The following MTUS1 variants were observed in gnomAD, a reference collection of about 807,000 sequenced individuals.
The protein encoded by MTUS1 is microtubule associated scaffold protein 1.
Under a neutral mutation model 120.8 loss-of-function variants are expected in MTUS1, and 109 were observed. The observed-to-expected ratio is 0.90, with a 90% confidence interval of 0.77 to 1.06. MTUS1 has a LOEUF of 1.06. Among genes scored for constraint, MTUS1 ranks in the 50% least tolerant of loss-of-function variants. The pLI is 0.00. For synonymous variants in MTUS1, 737 were observed against 550.5 expected, an observed-to-expected ratio of 1.34 and a Z score of -4.74; for missense variants, 2,210 against 1,486.3, an observed-to-expected ratio of 1.49 and a Z score of -8.01.
chr8:17,787,141 CCT>C, intron 1 of MTUS1, among the ~76,000 whole-genome samples: 1 of 152,280 alleles, frequency 6.6e-6, no homozygotes, highest in East Asian at 1.9e-4. Context: ...GCCACCGCTC[CCT>C]GACACCCTGT....
chr8:17,647,458 GAAA>G (rs112070816), intron 13 of MTUS1, among the ~76,000 whole-genome samples: 2 of 136,206 alleles, frequency 1.5e-5, no homozygotes, highest in African/African-American at 5.4e-5. Context: ...AATTTTGCTG[GAAA>G]AAAAAAAAAA....
intron 5 of MTUS1, among the ~76,000 whole-genome samples, chr8:17,714,449 T>A (rs1821923313): frequency 6.6e-6 from 1 of 152,192 alleles, no homozygotes. Context: ...TTCCTCCTTC[T>A]GGGATATCCA....
At chr8:17,767,750 G>A (rs1055069214) in intron 1 of MTUS1, among the ~76,000 whole-genome samples, 4 of 145,768 alleles carry the variant, frequency 2.7e-5, no homozygotes, top group Admixed American at 2.1e-4. Flanking sequence ...GCAGCAAGAT[G>A]CTCCAAGTTT....
At position 17,754,538 on chromosome 8, in the gene MTUS1, T is replaced by C. The variant is rs1354784452; in HGVS notation, c.1270A>G (p.Lys424Glu). 5 of 1,614,120 alleles carry C rather than the reference T, an allele frequency of 3.1e-6. No homozygotes were observed. The highest frequency in any genetic ancestry group is 1.3e-5 in the African/African-American group (1 of 74,940). ...DANDMVISTDKTMCMSTPVLE... is the reference protein window; with the variant it reads ...DANDMVISTDETMCMSTPVLE... ...ACTGGTGTTGACATGCACATCGTTTTGTCTGTGCTAATGACCATATCATTT... is the reference window on the plus strand; with the variant it reads ...ACTGGTGTTGACATGCACATCGTTTCGTCTGTGCTAATGACCATATCATTT... The change falls in exon 2 of 15, where the codon AAA becomes GAA. Residue 424 changes from lysine (K) to glutamate (E), a missense_variant. By Grantham distance (56) the Lys-to-Glu change is moderately conservative (BLOSUM62 1). Coordinates refer to ENST00000693296, the MANE Select transcript of MTUS1 (RefSeq NM_001363059.2).
intron 1 of MTUS1, among the ~76,000 whole-genome samples, chr8:17,787,228 G>T (rs1414067086): frequency 6.6e-6 from 1 of 152,162 alleles, no homozygotes; most frequent in Non-Finnish European, 1.5e-5. Context: ...CCTCCAGCAT[G>T]GGTAAAGATA....
intron 6 of MTUS1, among the ~76,000 whole-genome samples, chr8:17,699,864 T>C (rs1350612648): frequency 1.3e-5 from 2 of 152,220 alleles, no homozygotes; most frequent in Admixed American, 1.3e-4. Context: ...CTCATTTAAA[T>C]AACTGGATAA....
chr8:17,692,884 G>A (rs1360524573), intron 6 of MTUS1, among the ~76,000 whole-genome samples: 1 of 152,144 alleles, frequency 6.6e-6, no homozygotes, highest in Admixed American at 6.5e-5. Flanking sequence ...AAAAGTAAAT[G>A]GAAATATTTT....
chr8:17,760,784 AAGAC>A (rs1257356480), intron 1 of MTUS1, among the ~76,000 whole-genome samples: 9 of 148,600 alleles, frequency 6.1e-5, no homozygotes, highest in East Asian at 4.1e-4. Context: ...AAAAAATAAA[AAGAC>A]AGAGAGTGTG....
chr8:17,693,413 G>C (rs1164046288), intron 6 of MTUS1: 12 of 152,126 alleles, frequency 7.9e-5, no homozygotes. Context: ...CTTTGCCAGT[G>C]ATGGATACCA....
At chr8:17,786,203 C>T (rs2051291151) in intron 1 of MTUS1, among the ~76,000 whole-genome samples, 1 of 152,102 alleles carries the variant, frequency 6.6e-6, no homozygotes, top group Non-Finnish European at 1.5e-5. Flanking sequence ...TATTCTGACC[C>T]TTCTTGCAAT....
chr8:17,745,765 C>T (rs557429939), intron 2 of MTUS1, among the ~76,000 whole-genome samples: 13 of 152,326 alleles, frequency 8.5e-5, no homozygotes, highest in Non-Finnish European at 1.5e-4. Flanking sequence ...TTCCTTCTAC[C>T]TGTCCGGTTA....
At chr8:17,759,778 C>A (rs571647528) in intron 1 of MTUS1, among the ~76,000 whole-genome samples, 1 of 151,422 alleles carries the variant, frequency 6.6e-6, no homozygotes, top group South Asian at 2.1e-4. Flanking sequence ...GGTTGTGAAA[C>A]GCCACTAAAG....
intron 2 of MTUS1, among the ~76,000 whole-genome samples, chr8:17,745,232 A>G (rs925245075): frequency 1.3e-5 from 2 of 152,212 alleles, no homozygotes; most frequent in Non-Finnish European, 2.9e-5. Flanking sequence ...ATCAAAAATG[A>G]TTAGTTCCAG....
rs975176772 is a variant in MTUS1 at position 17,654,740 on chromosome 8, A to G, written c.3109-74T>C. ...TAAGTTGAATACGCAAAGCAACCAC[A>G]TTAGGAGACGTCACAGCTTCACAGG... On this transcript the variant is annotated intron_variant, in intron 9 of 14. Transcript: ENST00000693296. The G allele has an allele frequency of 5.9e-6, 6 of 1,014,136 alleles. No individual in the cohort carries two copies. The African/African-American group carries it at 9.5e-5, about 16-fold the overall frequency. 62.8% of individuals were successfully genotyped at this position (1,014,136 alleles called of 1,614,324 possible). A position where few individuals can be genotyped will look rare whatever the true frequency, so the allele number is the denominator to read the frequency against.
chr8:17,798,334 G>A (rs1489252907), intron 1 of MTUS1, among the ~76,000 whole-genome samples: 5 of 151,654 alleles, frequency 3.3e-5, no homozygotes, highest in East Asian at 3.9e-4. Flanking sequence ...TTAGAATTTG[G>A]GGAATTTTTT....
intron 4 of MTUS1, among the ~76,000 whole-genome samples, chr8:17,720,307 T>C (rs1483883620): frequency 6.6e-6 from 1 of 150,496 alleles, no homozygotes; most frequent in African/African-American, 2.5e-5. Flanking sequence ...ATCATGCCAC[T>C]GCACTCCAGC....
intron 1 of MTUS1, among the ~76,000 whole-genome samples, chr8:17,757,481 T>C (rs2048712968): frequency 6.6e-6 from 1 of 152,174 alleles, no homozygotes; most frequent in South Asian, 2.1e-4. Flanking sequence ...AATGAAACCA[T>C]TAAAACACCC....
In MTUS1 at chr8:17,706,335, A is replaced by T. The variant is rs140856518; in HGVS notation, c.2623+6879T>A. ...TGAGACTTGGAGAGGCTTAGCAACT[A>T]GCCCAAGGTCAGGACACAAATAGAA... On this transcript the variant is annotated intron_variant, in intron 6 of 14. Coordinates refer to ENST00000693296, the MANE Select transcript of MTUS1 (RefSeq NM_001363059.2). 1.3e-3 allele frequency: 199 copies of T among 152,282 alleles called. 1 individual carries two copies. Among genetic ancestry groups the T allele is most frequent in the African/African-American group, 4.6e-3 (190 of 41,552 alleles). The allele number at this position is 152,282 out of a possible 1,614,324, so 9.4% of individuals were successfully genotyped here. A position where few individuals can be genotyped will look rare whatever the true frequency, so the allele number is the denominator to read the frequency against.
intron 4 of MTUS1, among the ~76,000 whole-genome samples, chr8:17,717,286 C>G (rs1231056497): frequency 6.6e-6 from 1 of 152,190 alleles, no homozygotes; most frequent in Non-Finnish European, 1.5e-5. Flanking sequence ...TCCCTAGAAC[C>G]TAGAGACTTG....
Sources: allele counts gnomAD v4.1 joint callset (sites outside exome capture counted in the v4.1 genomes callset), GRCh38; gene constraint gnomAD v4.1.1; transcripts MANE v1.5; gene names NCBI Gene and HGNC (gene_info 2026-07-23, HGNC 2026-07-21).